The following CD247 variants were observed in gnomAD, a reference collection of about 807,000 sequenced individuals.
CD247 encodes CD247 molecule, also known as T-cell surface glycoprotein CD3 zeta chain.
Under a neutral mutation model 30.0 loss-of-function variants are expected in CD247, and 13 were observed. That is an observed-to-expected ratio of 0.43 (90% CI 0.28 to 0.69). CD247 has a LOEUF of 0.69. Ranked by LOEUF, CD247 falls within the 30% of genes least tolerant of loss-of-function variation. The pLI, the probability that CD247 is intolerant of heterozygous loss-of-function variation, is 0.16. For synonymous variants in CD247, 72 were observed against 80.0 expected, an observed-to-expected ratio of 0.90 and a Z score of 0.53; for missense variants, 193 against 212.6, an observed-to-expected ratio of 0.91 and a Z score of 0.57.
intron 1 of CD247, among the ~76,000 whole-genome samples, chr1:167,451,885 T>C (rs1039589777): frequency 3.9e-5 from 6 of 151,976 alleles, no homozygotes; most frequent in Non-Finnish European, 7.3e-5. Context: ...GGTGGGTAGA[T>C]AACCTGAGGT....
chr1:167,444,417 A>G (rs1464323595), intron 1 of CD247, among the ~76,000 whole-genome samples: 6 of 152,124 alleles, frequency 3.9e-5, no homozygotes, highest in Non-Finnish European at 8.8e-5. Flanking sequence ...GCTGCTTCCT[A>G]GGAGGTTTCA....
rs1651212143 is a variant in CD247 at position 167,430,651 on chromosome 1, T to C, written c.*1030A>G. 2.5e-6 allele frequency: 1 copy of C among 398,534 alleles called. No homozygotes were observed. Among genetic ancestry groups the C allele is most frequent in the Admixed American group, 4.4e-5 (1 of 22,720 alleles). 24.7% of individuals were successfully genotyped at this position (398,534 alleles called of 1,614,324 possible). A position where few individuals can be genotyped will look rare whatever the true frequency, so the allele number is the denominator to read the frequency against. On this transcript the variant is annotated 3_prime_UTR_variant, in exon 8 of 8. Coordinates refer to ENST00000362089, the MANE Select transcript of CD247 (RefSeq NM_198053.3). ...AAGCTTAGTAAAGCTGCATTTTCAC[T>C]GAAGCATTTATTATGCAAAATAGGA...
intron 1 of CD247, among the ~76,000 whole-genome samples, chr1:167,499,457 C>T (rs564498359): frequency 7.3e-4 from 111 of 152,250 alleles, no homozygotes; most frequent in Non-Finnish European, 1.1e-3. Flanking sequence ...GATTTAGCCA[C>T]GACTGAAGGT....
chr1:167,435,835 C>G (rs1448149387), intron 4 of CD247, among the ~76,000 whole-genome samples: 1 of 152,246 alleles, frequency 6.6e-6, no homozygotes, highest in Non-Finnish European at 1.5e-5. Flanking sequence ...TCCCCACACC[C>G]TCCTAGTCCT....
In CD247 at chr1:167,485,629, G is replaced by T. The variant is rs572461143; in HGVS notation, c.58+32779C>A. Among the ~76,000 whole-genome samples, 157 of 152,220 alleles carry T rather than the reference G, an allele frequency of 1.0e-3. 1 individual carries two copies. Among genetic ancestry groups the T allele is most frequent in the African/African-American group, 3.6e-3 (149 of 41,522 alleles). On this transcript the variant is annotated intron_variant, in intron 1 of 7. Transcript: ENST00000362089. ...CTTTTGTCAGCATGCTGGCTGGCGTGCTAGGCTCCCGTGGGGAGGGTATCC... is the reference window on the plus strand; with the variant it reads ...CTTTTGTCAGCATGCTGGCTGGCGTTCTAGGCTCCCGTGGGGAGGGTATCC...
chr1:167,430,672 T>C lies in CD247; in HGVS notation c.*1009A>G. On this transcript the variant is annotated 3_prime_UTR_variant, in exon 8 of 8. Coordinates refer to ENST00000362089, the MANE Select transcript of CD247 (RefSeq NM_198053.3). ...TCACTGAAGCATTTATTATGCAAAA[T>C]AGGAAGGCTTTAGCATGCCAGTATA... The C allele has an allele frequency of 2.5e-6, 1 of 398,662 alleles. No individual in the cohort carries two copies. Among genetic ancestry groups the C allele is most frequent in the Non-Finnish European group, 4.4e-6 (1 of 226,070 alleles). 24.7% of individuals were successfully genotyped at this position (398,662 alleles called of 1,614,324 possible).
At chr1:167,445,693 T>C (rs1220004219) in intron 1 of CD247, among the ~76,000 whole-genome samples, 9 of 152,140 alleles carry the variant, frequency 5.9e-5, no homozygotes, top group African/African-American at 2.2e-4. Context: ...ATTGCGTTGT[T>C]TGTCTGTCTG....
rs375668936 is a variant in CD247, at chr1:167,434,090, C to T, written c.337-14G>A. On this transcript the variant is annotated splice_polypyrimidine_tract_variant and intron_variant, in intron 5 of 7. Transcript: ENST00000362089. ...TTTCTGCAGTTCCTGCAGAAGAGGG[C>T]GTGGAACACTGATTTTTACCAACTA... The T allele has an allele frequency of 3.3e-5, 54 of 1,612,564 alleles. No individual in the cohort carries two copies. Among genetic ancestry groups the T allele is most frequent in the African/African-American group, 1.3e-4 (10 of 74,938 alleles).
intron 1 of CD247, among the ~76,000 whole-genome samples, chr1:167,481,664 A>T (rs1191452059): frequency 6.6e-6 from 1 of 152,230 alleles, no homozygotes; most frequent in African/African-American, 2.4e-5. Flanking sequence ...AGCAGTGAGC[A>T]CAAGGGTCTC....
chr1:167,517,476 CTT>C (rs1404652626), intron 1 of CD247, among the ~76,000 whole-genome samples: 1 of 152,238 alleles, frequency 6.6e-6, no homozygotes, highest in East Asian at 1.9e-4. Context: ...GTCCTGTCCT[CTT>C]TTCACTGGTT....
Position 167,509,383 on chromosome 1 carries a change from A to G in CD247, c.58+9025T>C, listed in dbSNP as rs190263068. ...AAACTCTGTCTCAAAAAAAAAAAAA[A>G]AAAAAAAGAAAAGAAAAGAAATCAT... On this transcript the variant is annotated intron_variant, in intron 1 of 7. Transcript: ENST00000362089. 5.3e-3 allele frequency among the ~76,000 whole-genome samples: 800 copies of G among 151,882 alleles called. 11 individuals are homozygous for G. Among genetic ancestry groups the G allele is most frequent in the Non-Finnish European group, 6.8e-3 (464 of 67,914 alleles).
intron 1 of CD247, among the ~76,000 whole-genome samples, chr1:167,507,590 T>C (rs1655199500): frequency 6.6e-6 from 1 of 152,136 alleles, no homozygotes; most frequent in African/African-American, 2.4e-5. Context: ...TCCCAGCACT[T>C]TGGGAGGCCA....
rs371314747 is a variant in CD247, at chr1:167,518,391, C to T, written c.58+17G>A. ...AGAGTTTCTAGAAGTTCCCTGCCGTCGACACGTCGGCCCTACCTGTAATCG... is the reference window on the plus strand; with the variant it reads ...AGAGTTTCTAGAAGTTCCCTGCCGTTGACACGTCGGCCCTACCTGTAATCG... On this transcript the variant is annotated intron_variant, in intron 1 of 7. Coordinates refer to ENST00000362089, the MANE Select transcript of CD247 (RefSeq NM_198053.3). 3.0e-5 allele frequency: 48 copies of T among 1,613,694 alleles called. No individual in the cohort carries two copies. The highest frequency in any genetic ancestry group is 1.3e-4 in the Admixed American group (8 of 60,024).
intron 1 of CD247, among the ~76,000 whole-genome samples, chr1:167,483,015 T>TG (rs201265842): frequency 7.2e-6 from 1 of 139,652 alleles, no homozygotes; most frequent in East Asian, 2.0e-4. Context: ...TTTCTTTCTT[T>TG]TTTTTTTTTT....
chr1:167,456,456 A>T (rs1414339749), intron 1 of CD247, among the ~76,000 whole-genome samples: 1 of 152,234 alleles, frequency 6.6e-6, no homozygotes, highest in Non-Finnish European at 1.5e-5. Context: ...TTTAAAAGAC[A>T]GGAAAAAAGG....
At position 167,438,683 on chromosome 1, in the gene CD247, C is replaced by T. The variant is rs367952015; in HGVS notation, c.220-33G>A. On this transcript the variant is annotated intron_variant, in intron 3 of 7. Coordinates refer to ENST00000362089, the MANE Select transcript of CD247 (RefSeq NM_198053.3). ...AGATAAGAAAGTGTCAGACACAGGA[C>T]GGAGGAACCTCAGAAGGATGGAGCC... The T allele has an allele frequency of 7.9e-5, 122 of 1,544,248 alleles. 1 individual carries two copies. In the African/African-American group the frequency reaches 1.2e-3, roughly 15 times the overall value.
At chr1:167,460,980 A>C (rs1344471566) in intron 1 of CD247, among the ~76,000 whole-genome samples, 1 of 152,252 alleles carries the variant, frequency 6.6e-6, no homozygotes, top group Non-Finnish European at 1.5e-5. Context: ...TCAGTTTGGC[A>C]ACCCTTGGTG....
intron 1 of CD247, among the ~76,000 whole-genome samples, chr1:167,475,688 A>C (rs1653715416): frequency 1.3e-5 from 2 of 152,196 alleles, no homozygotes; most frequent in Admixed American, 1.3e-4. Context: ...TTTAGAAAAA[A>C]CACAGGAGGC....
chr1:167,443,952 G>T (rs116633631), intron 1 of CD247, among the ~76,000 whole-genome samples: 2,605 of 152,208 alleles, frequency 0.017, 84 homozygotes, highest in African/African-American at 0.058. Context: ...ATTCAGTTAC[G>T]CAATTAATTA....
Sources: gnomAD v4.1 joint callset for allele counts (sites outside exome capture counted in the v4.1 genomes callset) on GRCh38, gnomAD v4.1.1 for gene constraint, MANE v1.5 for transcripts, NCBI Gene and HGNC (gene_info 2026-07-23, HGNC 2026-07-21) for gene names.